Variants in SAR1A observed in about 807,000 individuals in gnomAD.
SAR1A encodes secretion associated Ras related GTPase 1A.
In SAR1A, 6 loss-of-function variants were observed where a neutral mutation model predicts 22.6. That is an observed-to-expected ratio of 0.27 (90% CI 0.15 to 0.52). The LOEUF (loss-of-function observed/expected upper bound fraction) is 0.52. SAR1A is among the 20% of genes least tolerant of loss of function. SAR1A has a pLI of 0.96. For missense variants in SAR1A, 145 were observed against 245.1 expected (o/e 0.59, Z 2.73); for synonymous variants, 70 against 82.2 (o/e 0.85, Z 0.80).
At chr10:70,161,205 G>A in intron 3 of SAR1A, 136 bp from the exon 4 acceptor site, 1 of 673,124 alleles carries the variant, frequency 1.5e-6, no homozygotes, top group Non-Finnish European at 2.5e-6. Flanking sequence ...GTACCCGCCT[G>A]TAGTTCCAGC....
Position 70,149,547 on chromosome 10 carries a change from A to ATTTTTATTTTT in SAR1A, c.*2928_*2929insAAAAATAAAAA, listed in dbSNP as rs1839302403. ...TTTTGCCAAATGTAGCATTTAATTG[A>ATTTTTATTTTT]TTTTTTTTTTTTTTTTTTTTTTGAG... On this transcript the variant is annotated 3_prime_UTR_variant, in exon 7 of 7. Coordinates refer to ENST00000373241, the MANE Select transcript of SAR1A (RefSeq NM_020150.5). 1 of 68,036 alleles carries ATTTTTATTTTT rather than the reference A, an allele frequency of 1.5e-5. No individual in the cohort carries two copies. The highest frequency in any genetic ancestry group is 2.5e-5 in the Non-Finnish European group (1 of 40,706). The allele number at this position is 68,036 out of a possible 1,614,324, so 4.2% of individuals were successfully genotyped here. A position where few individuals can be genotyped will look rare whatever the true frequency, so the allele number is the denominator to read the frequency against.
intron 5 of SAR1A, among the ~76,000 whole-genome samples, chr10:70,154,752 C>T (rs12415976): frequency 0.38 from 57,932 of 152,042 alleles, 12,066 homozygotes; most frequent in East Asian, 0.56. Context: ...TGAGCCACCA[C>T]GCCCAGCCAC....
chr10:70,164,307 T>C (rs548997032), intron 1 of SAR1A, among the ~76,000 whole-genome samples: 2 of 152,368 alleles, frequency 1.3e-5, no homozygotes, highest in East Asian at 3.9e-4. Context: ...AACCTTATTT[T>C]AGAAAACTGA....
At chr10:70,158,308 C>G (rs564706046) in intron 4 of SAR1A, among the ~76,000 whole-genome samples, 6 of 152,316 alleles carry the variant, frequency 3.9e-5, no homozygotes, top group Admixed American at 2.0e-4. Context: ...GTTAAAACAT[C>G]AGGATACAAA....
rs1281946893 is a variant in SAR1A, at chr10:70,162,422, G to GGAAAGGAAA, written c.-16-500_-16-492dup. 6.3e-5 allele frequency among the ~76,000 whole-genome samples: 3 copies of GGAAAGGAAA among 47,712 alleles called. No individual in the cohort carries two copies. The East Asian group carries it at 3.8e-3, about 60-fold the overall frequency. 31.3% of individuals were successfully genotyped at this position (47,712 alleles called of 152,430 possible). ...AGGAAAGGGAAAGGGAAAGGGAAAGGGAAAGGAAAGGAAAGGAAAAGAAAA... is the reference window on the plus strand; with the variant it reads ...AGGAAAGGGAAAGGGAAAGGGAAAGGGAAAGGAAAGAAAGGAAAGGAAAGGAAAAGAAAA... On this transcript the variant is annotated intron_variant, in intron 1 of 6. Transcript: ENST00000373241.
chr10:70,152,632 T>G, intron 6 of SAR1A, 40 bp from the exon 7 acceptor site: 180 of 1,275,366 alleles, frequency 1.4e-4, no homozygotes, highest in Non-Finnish European at 2.0e-4. Flanking sequence ...TTAGCATCTC[T>G]GTGGTGGAAA....
intron 5 of SAR1A, among the ~76,000 whole-genome samples, chr10:70,157,345 A>G (rs1203807569): frequency 6.7e-6 from 1 of 149,788 alleles, no homozygotes; most frequent in South Asian, 2.1e-4. Context: ...TGGAGGTTGC[A>G]GTAAGCCAAG....
In SAR1A at chr10:70,161,756, T is replaced by C; in HGVS notation, c.59-18A>G. The C allele has an allele frequency of 3.7e-6, 6 of 1,613,740 alleles. No homozygotes were observed. The highest frequency in any genetic ancestry group is 5.1e-6 in the Non-Finnish European group (6 of 1,179,930). Reference sequence around the variant, plus strand: ...GTACAGTCCTAAAAGAGAAAAAAATTGTTAACACATTTGCTCTCTACAGAC... The same window carrying C: ...GTACAGTCCTAAAAGAGAAAAAAATCGTTAACACATTTGCTCTCTACAGAC... On this transcript the variant is annotated intron_variant, in intron 2 of 6. Transcript: ENST00000373241.
At chr10:70,163,333 C>T (rs1343485579) in intron 1 of SAR1A, among the ~76,000 whole-genome samples, 1 of 152,192 alleles carries the variant, frequency 6.6e-6, no homozygotes, top group Non-Finnish European at 1.5e-5. Flanking sequence ...CTACACTAAA[C>T]AACACATTTT....
In SAR1A at chr10:70,161,839, T is replaced by A. The variant is rs775365617; in HGVS notation, c.58+19A>T. ...AAGGCACAAACTTTGAAACCTGTATTTCAAGGAAATGGCTTTACCTAGGAA... is the reference window on the plus strand; with the variant it reads ...AAGGCACAAACTTTGAAACCTGTATATCAAGGAAATGGCTTTACCTAGGAA... On this transcript the variant is annotated intron_variant, in intron 2 of 6. Coordinates refer to ENST00000373241, the MANE Select transcript of SAR1A (RefSeq NM_020150.5). 6.2e-7 allele frequency: 1 copy of A among 1,613,590 alleles called. No homozygotes were observed. The highest frequency in any genetic ancestry group is 1.7e-5 in the Admixed American group (1 of 60,012).
rs1166117881 is a variant in SAR1A, at chr10:70,152,268, C to T, written c.*208G>A. 2.0e-6 allele frequency: 2 copies of T among 976,962 alleles called. No individual in the cohort carries two copies. Among genetic ancestry groups the T allele is most frequent in the African/African-American group, 1.6e-5 (1 of 61,946 alleles). 60.5% of individuals were successfully genotyped at this position (976,962 alleles called of 1,614,324 possible). A position where few individuals can be genotyped will look rare whatever the true frequency, so the allele number is the denominator to read the frequency against. On this transcript the variant is annotated 3_prime_UTR_variant, in exon 7 of 7. Coordinates refer to ENST00000373241, the MANE Select transcript of SAR1A (RefSeq NM_020150.5). ...CCAAGTCCCAGGATACTGACCTGCA[C>T]CAGCACGTGGGGCAGCATTACCTCC...
intron 3 of SAR1A, 174 bp downstream of exon 3, chr10:70,161,445 A>G: frequency 1.5e-6 from 1 of 686,766 alleles, no homozygotes; most frequent in Non-Finnish European, 2.4e-6. Flanking sequence ...ACAAAGTTCC[A>G]GAGGTTTAGA....
chr10:70,157,401 C>CAAAAAAAAAA (rs55801259), intron 5 of SAR1A, among the ~76,000 whole-genome samples: 2 of 131,240 alleles, frequency 1.5e-5, no homozygotes, highest in African/African-American at 3.0e-5. Context: ...AAGACTCCGT[C>CAAAAAAAAAA]AAAAAAAAAA....
intron 1 of SAR1A, among the ~76,000 whole-genome samples, chr10:70,165,754 T>C (rs999028440): frequency 1.3e-5 from 2 of 152,244 alleles, no homozygotes; most frequent in Admixed American, 1.3e-4. Context: ...TAAACTTACT[T>C]GAGCAGCAGC....
chr10:70,161,744 A>G lies in SAR1A; in HGVS notation c.59-6T>C, dbSNP rs1404303128. ...TCCAGATTTCTTGTACAGTCCTAAAAGAGAAAAAAATTGTTAACACATTTG... is the reference window on the plus strand; with the variant it reads ...TCCAGATTTCTTGTACAGTCCTAAAGGAGAAAAAAATTGTTAACACATTTG... On this transcript the variant is annotated splice_region_variant and splice_polypyrimidine_tract_variant and intron_variant, in intron 2 of 6. Transcript: ENST00000373241. 1 of 1,613,734 alleles carries G rather than the reference A, an allele frequency of 6.2e-7. No homozygotes were observed. Among genetic ancestry groups the G allele is most frequent in the Non-Finnish European group, 8.5e-7 (1 of 1,179,968 alleles).
intron 1 of SAR1A, among the ~76,000 whole-genome samples, chr10:70,164,360 G>C (rs1255316411): frequency 6.6e-6 from 1 of 152,276 alleles, no homozygotes; most frequent in East Asian, 1.9e-4. Flanking sequence ...ATATATCTAA[G>C]CCCTTCTGCA....
intron 1 of SAR1A, chr10:70,163,873 T>C (rs778760242): frequency 4.3e-5 from 68 of 1,597,996 alleles, no homozygotes; most frequent in Admixed American, 1.7e-4. Flanking sequence ...AATGGCACAA[T>C]TGACTTCCCT....
chr10:70,153,988 G>T lies in SAR1A; in HGVS notation c.349-19C>A. Reference sequence around the variant, plus strand: ...TTAAAGCCTAAAGATTGAAAAAAAAGAAAAAAAGAAAAAAAAGAATTAAGT... The same window carrying T: ...TTAAAGCCTAAAGATTGAAAAAAAATAAAAAAAGAAAAAAAAGAATTAAGT... On this transcript the variant is annotated intron_variant, in intron 5 of 6. Coordinates refer to ENST00000373241, the MANE Select transcript of SAR1A (RefSeq NM_020150.5). 6.6e-7 allele frequency: 1 copy of T among 1,513,964 alleles called. No homozygotes were observed. Among genetic ancestry groups the T allele is most frequent in the Non-Finnish European group, 8.8e-7 (1 of 1,133,100 alleles). 93.8% of individuals were successfully genotyped at this position (1,513,964 alleles called of 1,614,324 possible).
intron 1 of SAR1A, 127 bp from the exon 2 acceptor site, chr10:70,162,058 G>T: frequency 1.4e-6 from 1 of 691,812 alleles, no homozygotes; most frequent in Non-Finnish European, 2.4e-6. Context: ...TAAGAAAGCA[G>T]GCCAGGCATG....
Sources: gnomAD v4.1 joint callset for allele counts (sites outside exome capture counted in the v4.1 genomes callset) on GRCh38, gnomAD v4.1.1 for gene constraint, MANE v1.5 for transcripts, NCBI Gene and HGNC (gene_info 2026-07-23, HGNC 2026-07-21) for gene names.